CCDC158: variants seen among roughly 807,000 people sequenced by gnomAD.
CCDC158 encodes the protein coiled-coil domain-containing protein 158.
CCDC158 carries 116 observed loss-of-function variants against 138.6 expected under a neutral mutation model. The observed-to-expected ratio is 0.84, with a 90% confidence interval of 0.72 to 0.98. The LOEUF (loss-of-function observed/expected upper bound fraction) is 0.98, where lower values mean the gene tolerates loss of function less well. Among genes scored for constraint, CCDC158 ranks in the 50% least tolerant of loss-of-function variants. The pLI is 0.00. For missense variants in CCDC158, 1,265 were observed against 1,306.1 expected (o/e 0.97, Z 0.48); for synonymous variants, 436 against 442.4 (o/e 0.99, Z 0.18).
At chr4:76,346,451 C>T (rs985418634) in intron 18 of CCDC158, among the ~76,000 whole-genome samples, 1 of 152,210 alleles carries the variant, frequency 6.6e-6, no homozygotes, top group Non-Finnish European at 1.5e-5. Context: ...GTGGCTCACG[C>T]CTGTAATCCC....
Position 76,366,472 on chromosome 4 carries a change from C to G in CCDC158, c.1830+822G>C, listed in dbSNP as rs1724675785. Among the ~76,000 whole-genome samples, 5 of 152,068 alleles carry G rather than the reference C, an allele frequency of 3.3e-5. No individual in the cohort carries two copies. The South Asian group carries it at 1.0e-3, about 31-fold the overall frequency. ...ATGAAATCAATTTTTTTAAAAAACCCATTAAATTGTGTTAAATTTTGATAA... is the reference window on the plus strand; with the variant it reads ...ATGAAATCAATTTTTTTAAAAAACCGATTAAATTGTGTTAAATTTTGATAA... On this transcript the variant is annotated intron_variant, in intron 12 of 24. Coordinates refer to ENST00000682701, the MANE Select transcript of CCDC158 (RefSeq NM_001394954.1).
chr4:76,330,758 T>C (rs1161826022), intron 21 of CCDC158, among the ~76,000 whole-genome samples: 2 of 152,172 alleles, frequency 1.3e-5, no homozygotes, highest in Non-Finnish European at 2.9e-5. Context: ...AAGATGTGTG[T>C]AGGTCATATG....
At chr4:76,356,352 G>A (rs1723561742) in intron 14 of CCDC158, among the ~76,000 whole-genome samples, 1 of 132,972 alleles carries the variant, frequency 7.5e-6, no homozygotes, top group Admixed American at 8.5e-5. Flanking sequence ...GGCCTTGAAA[G>A]GAAATTTTCT....
intron 9 of CCDC158, among the ~76,000 whole-genome samples, chr4:76,372,591 T>A (rs1166071498): frequency 6.6e-6 from 1 of 152,222 alleles, no homozygotes; most frequent in African/African-American, 2.4e-5. Flanking sequence ...TGGTAACAAG[T>A]TATTAGCTAT....
At position 76,323,387 on chromosome 4, in the gene CCDC158, T is replaced by C. The variant is rs1301001144; in HGVS notation, c.3192A>G (p.Glu1064=). 6.2e-7 allele frequency: 1 copy of C among 1,611,846 alleles called. No homozygotes were observed. Among genetic ancestry groups the C allele is most frequent in the East Asian group, 2.2e-5 (1 of 44,830 alleles). Reference sequence around the variant, plus strand: ...GCTTCCTGCATGTTTTTCCTGTTGTTTCTATTGGCGGAGACTGTGAATCTA... The same window carrying C: ...GCTTCCTGCATGTTTTTCCTGTTGTCTCTATTGGCGGAGACTGTGAATCTA... The part of the protein sequence containing the change: ...SVKDSQSPPI[E]TTGKTCRKLQ... The change falls in exon 24 of 25, where the codon GAA becomes GAG. Residue 1064 remains glutamate, a synonymous_variant. Transcript: ENST00000682701.
intron 3 of CCDC158, among the ~76,000 whole-genome samples, chr4:76,400,323 A>G (rs1728235434): frequency 1.4e-5 from 2 of 143,110 alleles, no homozygotes; most frequent in Non-Finnish European, 3.0e-5. Flanking sequence ...CAAACACCGC[A>G]TGTTCTTACT....
At chr4:76,398,831 AACAT>A (rs1470859672) in intron 3 of CCDC158, among the ~76,000 whole-genome samples, 2 of 151,482 alleles carry the variant, frequency 1.3e-5, no homozygotes, top group African/African-American at 4.9e-5. Context: ...TGCCATGAGA[AACAT>A]ACAGAGAGAG....
At chr4:76,381,295 A>T (rs934567788) in intron 8 of CCDC158, among the ~76,000 whole-genome samples, 1 of 152,260 alleles carries the variant, frequency 6.6e-6, no homozygotes, top group Non-Finnish European at 1.5e-5. Flanking sequence ...CTGTGAAAGC[A>T]GCTGCGGAGG....
In CCDC158 at chr4:76,403,188, T is replaced by C; in HGVS notation, c.20A>G (p.Glu7Gly). The C allele has an allele frequency of 6.2e-7, 1 of 1,605,578 alleles. No homozygotes were observed. The highest frequency in any genetic ancestry group is 8.5e-7 in the Non-Finnish European group (1 of 1,175,274). MESKAWESNNEDLLSSS... is the reference protein window; with the variant it reads MESKAWGSNNEDLLSSS... ...TGATAAAAGATCTTCATTATTTGAT[T>C]CCCAAGCTTTTGATTCCATATTAAA... Residue 7 changes from glutamate (E) to glycine (G), a missense_variant, in exon 3 of 25, where the codon GAA becomes GGA. Transcript: ENST00000682701.
rs375934154 is a variant in CCDC158 at position 76,323,313 on chromosome 4, A to G, written c.3266T>C (p.Leu1089Pro). 403 of 1,610,298 alleles carry G rather than the reference A, an allele frequency of 2.5e-4. No homozygotes were observed. The highest frequency in any genetic ancestry group is 3.4e-4 in the Non-Finnish European group (395 of 1,178,040). ...AACGTACACTGTACCTTGGTTCTTC[A>G]GCTGTAAATCTTCTACCAGAGTTTG... is the stretch of plus-strand genomic sequence containing the variant. ...SLQTLVEDLQ[L>P]KNQAMSSMIR... The change falls in exon 24 of 25, where the codon CTG (leucine) becomes CCG (proline). Residue 1089 changes from leucine (L) to proline (P), a missense_variant. Coordinates refer to ENST00000682701, the MANE Select transcript of CCDC158 (RefSeq NM_001394954.1).
chr4:76,333,570 T>G (rs1426654313), intron 19 of CCDC158, among the ~76,000 whole-genome samples: 2 of 152,208 alleles, frequency 1.3e-5, no homozygotes, highest in Non-Finnish European at 2.9e-5. Flanking sequence ...TATTTCCTAT[T>G]ATCTCCTACT....
intron 4 of CCDC158, among the ~76,000 whole-genome samples, chr4:76,387,692 G>A (rs1215413192): frequency 6.6e-6 from 1 of 151,832 alleles, no homozygotes. Flanking sequence ...GCGTGGTGGT[G>A]CGCGCCTGTA....
Position 76,369,594 on chromosome 4 carries a change from C to T in CCDC158, c.1179G>A (p.Leu393=), listed in dbSNP as rs1317222641. The change falls in exon 11 of 25, where the codon CTG becomes CTA. Residue 393 remains leucine, a synonymous_variant. Coordinates refer to ENST00000682701, the MANE Select transcript of CCDC158 (RefSeq NM_001394954.1). ...GCTTATTCTGCTCCTTCTCCAGACT[C>T]AGCTCCTTCTCCCTTTTGTGTAGAT... The part of the protein sequence containing the change: ...LADLHKREKE[L]SLEKEQNKRL... 1.4e-5 allele frequency: 23 copies of T among 1,614,046 alleles called. 1 individual carries two copies. In the Admixed American group the frequency reaches 3.8e-4, roughly 27 times the overall value.
At chr4:76,365,315 T>C (rs569542788) in intron 12 of CCDC158, among the ~76,000 whole-genome samples, 1 of 152,270 alleles carries the variant, frequency 6.6e-6, no homozygotes, top group South Asian at 2.1e-4. Flanking sequence ...CAGAGGGAAG[T>C]GGATGTGGCA....
At chr4:76,333,972 GA>G (rs1185921200) in intron 19 of CCDC158, 37 bp downstream of exon 19, 1 of 1,460,740 alleles carries the variant, frequency 6.8e-7, no homozygotes, top group Non-Finnish European at 9.3e-7. Context: ...AACCATTCAA[GA>G]GATGAGCTTT....
At chr4:76,323,046 C>T (rs1414383866) in intron 24 of CCDC158, among the ~76,000 whole-genome samples, 2 of 152,164 alleles carry the variant, frequency 1.3e-5, no homozygotes, top group Non-Finnish European at 2.9e-5. Context: ...AACCTCAAAA[C>T]CACTCCTCCT....
In CCDC158 at chr4:76,328,873, AT is replaced by A. The variant is rs1458867904; in HGVS notation, c.3010+26del. 1.9e-6 allele frequency: 3 copies of A among 1,598,430 alleles called. No homozygotes were observed. The African/African-American group carries it at 4.0e-5, about 21-fold the overall frequency. ...GAAATGGGGAGACATTGTAGGGCCT[AT>A]TTCTGTGCTTTCATTGGAAACTCAC... On this transcript the variant is annotated intron_variant, in intron 22 of 24. Coordinates refer to ENST00000682701, the MANE Select transcript of CCDC158 (RefSeq NM_001394954.1).
intron 1 of CCDC158, among the ~76,000 whole-genome samples, chr4:76,413,524 A>G (rs1729462196): frequency 6.6e-6 from 1 of 152,086 alleles, no homozygotes. Flanking sequence ...TTCTATGTGC[A>G]GAATTCAGAC....
In CCDC158 at chr4:76,355,423, T is replaced by C. The variant is rs754160183; in HGVS notation, c.2187A>G (p.Ala729=). ...EGSDGHAMKV[A]MGMQKQITAK... ...CTGTGATTTGCTTTTGCATCCCCAT[T>C]GCCACTTTCATAGCTGGAAAAAAAA... The change falls in exon 15 of 25, where the codon GCA becomes GCG. Residue 729 remains alanine (A), a synonymous_variant. Coordinates refer to ENST00000682701, the MANE Select transcript of CCDC158 (RefSeq NM_001394954.1). 1.7e-5 allele frequency: 28 copies of C among 1,612,222 alleles called. No homozygotes were observed. Among genetic ancestry groups the C allele is most frequent in the Non-Finnish European group, 2.3e-5 (27 of 1,178,650 alleles).
Sources: allele counts gnomAD v4.1 joint callset (sites outside exome capture counted in the v4.1 genomes callset), GRCh38; gene constraint gnomAD v4.1.1; transcripts MANE v1.5; gene names NCBI Gene and HGNC (gene_info 2026-07-23, HGNC 2026-07-21).